The following EIF2AK1 variants were observed in gnomAD, a reference collection of about 807,000 sequenced individuals.
EIF2AK1 encodes eukaryotic translation initiation factor 2 alpha kinase 1.
In EIF2AK1, 54 loss-of-function variants were observed where a neutral mutation model predicts 77.9. The observed-to-expected ratio is 0.69, with a 90% CI of 0.56 to 0.87. EIF2AK1 has a LOEUF of 0.87. Ranked by LOEUF, EIF2AK1 falls within the 40% of genes least tolerant of loss-of-function variation. EIF2AK1 has a pLI of 0.00. For synonymous variants in EIF2AK1, 314 were observed against 290.5 expected (o/e 1.08, Z -0.82); for missense variants, 810 against 768.6 (o/e 1.05, Z -0.64).
rs1167986821 is a variant in EIF2AK1, at chr7:6,038,679, A to G, written c.1120-8T>C. ...CATCAGGTGGTACTGTGCCTAGGAG[A>G]GGACACAGTGATGGCTCCCATCTTT... On this transcript the variant is annotated splice_region_variant and splice_polypyrimidine_tract_variant and intron_variant, in intron 9 of 14. Transcript: ENST00000199389. The G allele has an allele frequency of 5.0e-6, 8 of 1,591,242 alleles. No homozygotes were observed. The highest frequency in any genetic ancestry group is 2.7e-5 in the African/African-American group (2 of 73,838).
rs1583479003 is a variant in EIF2AK1 at position 6,031,736 on chromosome 7, C to G, written c.1333-2704G>C. The G allele has an allele frequency of 1.0e-5, 8 of 788,680 alleles. No homozygotes were observed. The East Asian group carries it at 1.9e-4, about 18-fold the overall frequency. The allele number at this position is 788,680 out of a possible 1,614,324, so 48.9% of individuals were successfully genotyped here. A position where few individuals can be genotyped will look rare whatever the true frequency, so the allele number is the denominator to read the frequency against. ...AGCTCACTCCACACACACTGCAGTG[C>G]TCCCCAAAGCCTGCAAAGCCTCCCC... On this transcript the variant is annotated intron_variant, in intron 11 of 14. Coordinates refer to ENST00000199389, the MANE Select transcript of EIF2AK1 (RefSeq NM_014413.4).
intron 5 of EIF2AK1, chr7:6,046,699 C>A (rs1788452887): frequency 9.0e-6 from 2 of 222,420 alleles, no homozygotes; most frequent in Non-Finnish European, 1.8e-5. Flanking sequence ...GTCAGGAGAT[C>A]AAGACCATCC....
Position 6,024,507 on chromosome 7 carries a change from G to A in EIF2AK1, c.*166C>T. ...ATTTAGGTAGGAAATTCAGGAAAAG[G>A]AGCTTGTGGGGCAGGAAGGGAAGGA... On this transcript the variant is annotated 3_prime_UTR_variant, in exon 15 of 15. Coordinates refer to ENST00000199389, the MANE Select transcript of EIF2AK1 (RefSeq NM_014413.4). 1 of 1,430,422 alleles carries A rather than the reference G, an allele frequency of 7.0e-7. No homozygotes were observed. The highest frequency in any genetic ancestry group is 9.1e-7 in the Non-Finnish European group (1 of 1,098,626). 88.6% of individuals were successfully genotyped at this position (1,430,422 alleles called of 1,614,324 possible). A position where few individuals can be genotyped will look rare whatever the true frequency, so the allele number is the denominator to read the frequency against.
At chr7:6,044,835 G>A (rs1788400314) in intron 6 of EIF2AK1, among the ~76,000 whole-genome samples, 174 bp from the exon 7 acceptor site, 1 of 152,174 alleles carries the variant, frequency 6.6e-6, no homozygotes, top group Non-Finnish European at 1.5e-5. Context: ...GCAGTATGCG[G>A]TGCATGAGAT....
At chr7:6,037,973 T>C (rs983274857) in intron 10 of EIF2AK1, among the ~76,000 whole-genome samples, 1 of 152,122 alleles carries the variant, frequency 6.6e-6, no homozygotes, top group Non-Finnish European at 1.5e-5. Context: ...AGATAAAATA[T>C]GTTAGCTCCA....
At chr7:6,030,193 A>G (rs1392467729) in intron 11 of EIF2AK1, among the ~76,000 whole-genome samples, 1 of 152,180 alleles carries the variant, frequency 6.6e-6, no homozygotes, top group African/African-American at 2.4e-5. Context: ...AAGGGAAGAA[A>G]GTTTCATTAC....
In EIF2AK1 at chr7:6,032,246, T is replaced by C. The variant is rs1487638078; in HGVS notation, c.1333-3214A>G. Among the ~76,000 whole-genome samples the C allele has an allele frequency of 6.6e-6, 1 of 152,240 alleles. No homozygotes were observed. Among genetic ancestry groups the C allele is most frequent in the Admixed American group, 6.5e-5 (1 of 15,276 alleles). ...TTTCATTTTCTAAATTTTTATACAA[T>C]GATTATTACTTTTACAATTAAATTC... On this transcript the variant is annotated intron_variant, in intron 11 of 14. Coordinates refer to ENST00000199389, the MANE Select transcript of EIF2AK1 (RefSeq NM_014413.4). The surrounding 1 kb of genome is among the most constrained non-coding windows in gnomAD (Gnocchi z 4.3).
In EIF2AK1 at chr7:6,055,773, G is replaced by A. The variant is rs572169915; in HGVS notation, c.119-1069C>T. 4.6e-5 allele frequency among the ~76,000 whole-genome samples: 7 copies of A among 151,516 alleles called. No homozygotes were observed. In the East Asian group the frequency reaches 1.4e-3, roughly 29 times the overall value. On this transcript the variant is annotated intron_variant, in intron 1 of 14. Coordinates refer to ENST00000199389, the MANE Select transcript of EIF2AK1 (RefSeq NM_014413.4). ...AGGCAGGCAGATCACCTAAGGTCAGGAGTTCGAGACCAGCCTGGCCAACAT... is the reference window on the plus strand; with the variant it reads ...AGGCAGGCAGATCACCTAAGGTCAGAAGTTCGAGACCAGCCTGGCCAACAT...
intron 1 of EIF2AK1, among the ~76,000 whole-genome samples, chr7:6,054,966 TA>T (rs1210455266): frequency 1.3e-5 from 2 of 152,064 alleles, no homozygotes; most frequent in African/African-American, 4.8e-5. Flanking sequence ...ATAGTACAAA[TA>T]AATCAATACG....
chr7:6,043,514 C>A (rs895232583), intron 7 of EIF2AK1, among the ~76,000 whole-genome samples: 3 of 152,078 alleles, frequency 2.0e-5, no homozygotes, highest in Non-Finnish European at 2.9e-5. Flanking sequence ...CTGCAACCTC[C>A]ACCTCCCGGG....
chr7:6,053,125 T>G (rs981526381), intron 2 of EIF2AK1, among the ~76,000 whole-genome samples: 3 of 152,172 alleles, frequency 2.0e-5, no homozygotes, highest in Admixed American at 6.6e-5. Flanking sequence ...TAATATTTAT[T>G]TCACTCCAAT....
intron 1 of EIF2AK1, among the ~76,000 whole-genome samples, chr7:6,058,415 C>CA (rs199916803): frequency 8.6e-5 from 13 of 151,124 alleles, no homozygotes; most frequent in East Asian, 5.8e-4. Context: ...AGCCTGTCTT[C>CA]AAAAAAAAAC....
In EIF2AK1 at chr7:6,035,785, C is replaced by T. The variant is rs540450182; in HGVS notation, c.1332+1639G>A. The T allele has an allele frequency of 2.3e-5, 35 of 1,551,078 alleles. No individual in the cohort carries two copies. Among genetic ancestry groups the T allele is most frequent in the Middle Eastern group, 1.7e-4 (1 of 5,998 alleles). On this transcript the variant is annotated intron_variant, in intron 11 of 14. Transcript: ENST00000199389. This position sits in a 1 kb window ranked among gnomAD's most constrained non-coding sequence, Gnocchi z 5.5. ...ATGCTGAATAAGGAGATGATGGAAACGCTCATTGCCTATGGAGCAAACGTC... is the reference window on the plus strand; with the variant it reads ...ATGCTGAATAAGGAGATGATGGAAATGCTCATTGCCTATGGAGCAAACGTC...
chr7:6,040,786 G>C, intron 9 of EIF2AK1, 106 bp downstream of exon 9: 1 of 948,596 alleles, frequency 1.1e-6, no homozygotes, highest in Non-Finnish European at 1.6e-6. Flanking sequence ...ACAAGAGACT[G>C]AACGCAGGGC....
intron 2 of EIF2AK1, among the ~76,000 whole-genome samples, chr7:6,052,690 G>A (rs894193680): frequency 3.4e-5 from 5 of 148,210 alleles, no homozygotes; most frequent in African/African-American, 1.2e-4. Flanking sequence ...CCAGACTGGA[G>A]CACACTGGTT....
chr7:6,029,089 C>T, intron 11 of EIF2AK1, 57 bp from the exon 12 acceptor site: 1 of 1,372,146 alleles, frequency 7.3e-7, no homozygotes, highest in Non-Finnish European at 1.0e-6. Flanking sequence ...ATAGTAATAT[C>T]TTGTAAATGT....
chr7:6,038,340 T>A (rs1398399399), intron 10 of EIF2AK1, among the ~76,000 whole-genome samples: 1 of 152,040 alleles, frequency 6.6e-6, no homozygotes, highest in African/African-American at 2.4e-5. Context: ...GAGGCTGAGG[T>A]GGGAGGATCG....
chr7:6,050,536 G>C (rs1788579673), intron 2 of EIF2AK1, among the ~76,000 whole-genome samples: 1 of 151,050 alleles, frequency 6.6e-6, no homozygotes, highest in Admixed American at 6.6e-5. Context: ...CTTGGGGAAT[G>C]ATTCTCTAAA....
intron 8 of EIF2AK1, among the ~76,000 whole-genome samples, chr7:6,041,961 C>G (rs1484187334): frequency 2.0e-5 from 3 of 151,762 alleles, no homozygotes; most frequent in Admixed American, 6.6e-5. Flanking sequence ...CTAGCCTGAA[C>G]AGCATGGCAA....
Sources: gnomAD v4.1 joint callset for allele counts (sites outside exome capture counted in the v4.1 genomes callset) on GRCh38, gnomAD v4.1.1 for gene constraint, Gnocchi (gnomAD v3.1) non-coding constraint, MANE v1.5 for transcripts, NCBI Gene and HGNC (gene_info 2026-07-23, HGNC 2026-07-21) for gene names.